Variants in DPYD observed in about 807,000 individuals in gnomAD.
DPYD encodes dihydropyrimidine dehydrogenase, also known as dihydropyrimidine dehydrogenase [NADP(+)].
In DPYD, 109 loss-of-function variants were observed where a neutral mutation model predicts 116.2. That is an observed-to-expected ratio of 0.94 (90% CI 0.80 to 1.10). DPYD has a LOEUF of 1.10. Ranked by LOEUF, DPYD falls within the 50% of genes least tolerant of loss-of-function variation. The probability of loss-of-function intolerance (pLI) is 0.00; values close to 1 mark genes in which losing one functional copy is unlikely to be tolerated. For missense variants in DPYD, 1,302 were observed against 1,254.5 expected, an observed-to-expected ratio of 1.04 and a Z score of -0.57; for synonymous variants, 440 against 432.0, an observed-to-expected ratio of 1.02 and a Z score of -0.23.
intron 1 of DPYD, among the ~76,000 whole-genome samples, chr1:97,897,294 C>G (rs1006132165): frequency 2.6e-5 from 4 of 151,872 alleles, no homozygotes; most frequent in Non-Finnish European, 4.4e-5. Flanking sequence ...ATCCAGTACA[C>G]CTGTTTTTTT....
At chr1:97,101,729 T>C (rs1345513565) in intron 20 of DPYD, among the ~76,000 whole-genome samples, 3 of 152,154 alleles carry the variant, frequency 2.0e-5, no homozygotes, top group Admixed American at 6.6e-5. Context: ...TACAGAAAAG[T>C]TGTAGCCTGC....
In DPYD at chr1:97,193,127, G is replaced by C. The variant is rs1031125025; in HGVS notation, c.2564C>G (p.Ala855Gly). Reference protein sequence around the residue: ...ELQDWDGQSPATVSHQKGKPV... With the variant: ...ELQDWDGQSPGTVSHQKGKPV... ...TTTCCCTTTCTGGTGACTCACAGTA[G>C]CTGGACTCTGTCCATCCCAGTCTTG... is the stretch of plus-strand genomic sequence containing the variant. The change falls in exon 20 of 23, where the codon GCT becomes GGT. Residue 855 changes from alanine (A) to glycine (G), a missense_variant. Physicochemically the swap from Ala to Gly is moderately conservative, Grantham distance 60. Coordinates refer to ENST00000370192, the MANE Select transcript of DPYD (RefSeq NM_000110.4). The C allele has an allele frequency of 6.2e-6, 10 of 1,613,920 alleles. No individual in the cohort carries two copies. The highest frequency in any genetic ancestry group is 3.3e-5 in the Admixed American group (2 of 59,986).
intron 16 of DPYD, among the ~76,000 whole-genome samples, chr1:97,314,906 C>T (rs1261153748): frequency 1.3e-5 from 2 of 151,946 alleles, no homozygotes; most frequent in Non-Finnish European, 2.9e-5. Context: ...CTCAGGGGCA[C>T]TGTAGCACTG....
At chr1:97,517,930 G>A (rs1187647421) in intron 12 of DPYD, among the ~76,000 whole-genome samples, 2 of 151,946 alleles carry the variant, frequency 1.3e-5, no homozygotes, top group African/African-American at 4.8e-5. Context: ...CAATCTTACA[G>A]ATGAATTTTG....
At chr1:97,096,939 C>T (rs753902679) in intron 21 of DPYD, among the ~76,000 whole-genome samples, 28 of 152,108 alleles carry the variant, frequency 1.8e-4, no homozygotes, top group Non-Finnish European at 3.8e-4. Context: ...CGGCTTCATT[C>T]TCGAAGTCAG....
chr1:97,169,202 A>G (rs1003335412), intron 20 of DPYD, among the ~76,000 whole-genome samples: 9 of 152,178 alleles, frequency 5.9e-5, no homozygotes, highest in Non-Finnish European at 4.4e-5. Context: ...TCTTGGTGAA[A>G]TATTAATAGT....
At chr1:97,295,941 A>G in intron 18 of DPYD, 1 of 173,920 alleles carries the variant, frequency 5.7e-6, no homozygotes, top group Non-Finnish European at 1.1e-5. Context: ...TAAGGGAATC[A>G]TTTTCTAGTT....
intron 10 of DPYD, among the ~76,000 whole-genome samples, chr1:97,581,573 C>A (rs1183680051): frequency 6.6e-6 from 1 of 151,160 alleles, no homozygotes; most frequent in African/African-American, 2.4e-5. Context: ...GAAACCTCAT[C>A]TCTACTAAAT....
chr1:97,165,044 T>C lies in DPYD; in HGVS notation c.2622+28025A>G, dbSNP rs143707101. 3.9e-5 allele frequency among the ~76,000 whole-genome samples: 6 copies of C among 152,090 alleles called. No individual in the cohort carries two copies. In the East Asian group the frequency reaches 1.2e-3, roughly 29 times the overall value. On this transcript the variant is annotated intron_variant, in intron 20 of 22. Transcript: ENST00000370192. ...ATTCAATGCTATTCCTATTAAATTA[T>C]CAATGATATTCTTCACAGAACTAGA...
intron 20 of DPYD, among the ~76,000 whole-genome samples, chr1:97,101,313 A>G (rs1650664827): frequency 6.6e-6 from 1 of 151,948 alleles, no homozygotes; most frequent in Non-Finnish European, 1.5e-5. Flanking sequence ...AATATGTTGT[A>G]TATATTAAAG....
intron 16 of DPYD, among the ~76,000 whole-genome samples, chr1:97,348,812 G>C (rs188283861): frequency 1.5e-3 from 224 of 151,988 alleles, no homozygotes; most frequent in Non-Finnish European, 1.9e-3. Context: ...TTGGCGGACA[G>C]AAGGGAGCCA....
At chr1:97,144,547 C>T (rs532157247) in intron 20 of DPYD, among the ~76,000 whole-genome samples, 3 of 152,260 alleles carry the variant, frequency 2.0e-5, no homozygotes, top group Non-Finnish European at 2.9e-5. Context: ...ATCTTTATTA[C>T]CCTGTAACTT....
intron 3 of DPYD, among the ~76,000 whole-genome samples, chr1:97,759,519 G>T (rs1182816604): frequency 6.6e-6 from 1 of 152,108 alleles, no homozygotes; most frequent in East Asian, 1.9e-4. Context: ...GTGGAAAACA[G>T]CACTTATCCA....
intron 16 of DPYD, among the ~76,000 whole-genome samples, chr1:97,350,761 C>T (rs1244978785): frequency 6.6e-6 from 1 of 151,942 alleles, no homozygotes; most frequent in African/African-American, 2.4e-5. Context: ...AATCATTTAC[C>T]CAAGTGTTTA....
intron 20 of DPYD, among the ~76,000 whole-genome samples, chr1:97,118,538 A>G (rs1465552330): frequency 6.6e-6 from 1 of 152,194 alleles, no homozygotes; most frequent in Non-Finnish European, 1.5e-5. Context: ...GCATCAAAAA[A>G]ACATGGTTCA....
At chr1:97,793,526 A>G (rs1667416740) in intron 3 of DPYD, among the ~76,000 whole-genome samples, 1 of 152,208 alleles carries the variant, frequency 6.6e-6, no homozygotes, top group Non-Finnish European at 1.5e-5. Flanking sequence ...CACAGAATAC[A>G]AAGTCCAGAA....
chr1:97,720,660 C>G lies in DPYD; in HGVS notation c.483+850G>C. ...TGGGAAGGGTCCCAAAATGAAAGAA[C>G]ACATTGTGTTTATGCTGACAAAACC... On this transcript the variant is annotated intron_variant, in intron 5 of 22. Transcript: ENST00000370192. 2 of 1,310,840 alleles carry G rather than the reference C, an allele frequency of 1.5e-6. 1 individual carries two copies. Among genetic ancestry groups the G allele is most frequent in the South Asian group, 4.3e-5 (2 of 46,386 alleles). The allele number at this position is 1,310,840 out of a possible 1,614,324, so 81.2% of individuals were successfully genotyped here.
At chr1:97,881,589 A>G (rs148924391) in intron 2 of DPYD, among the ~76,000 whole-genome samples, 5 of 152,206 alleles carry the variant, frequency 3.3e-5, no homozygotes, top group African/African-American at 9.6e-5. Flanking sequence ...TTAAAATGAT[A>G]AAATAAACTC....
At chr1:97,612,849 C>G (rs186518238) in intron 8 of DPYD, among the ~76,000 whole-genome samples, 4 of 152,114 alleles carry the variant, frequency 2.6e-5, no homozygotes, top group African/African-American at 9.6e-5. Flanking sequence ...GGCTTCCTTT[C>G]TATGAGCATG....
Sources: gnomAD v4.1 joint callset for allele counts (sites outside exome capture counted in the v4.1 genomes callset) on GRCh38, gnomAD v4.1.1 for gene constraint, MANE v1.5 for transcripts, NCBI Gene and HGNC (gene_info 2026-07-23, HGNC 2026-07-21) for gene names.